Variants in CHODL observed in about 807,000 individuals in gnomAD.
The protein encoded by CHODL is transmembrane protein MT75.
A neutral mutation model predicts 34.5 loss-of-function variants in CHODL; 29 were observed. The observed-to-expected ratio is 0.84, with a 90% CI of 0.63 to 1.15. The LOEUF is 1.15. Ranked by LOEUF, CHODL falls within the 50% of genes most tolerant of loss-of-function variation. CHODL has a pLI of 0.00. For synonymous variants in CHODL, 125 were observed against 116.1 expected (o/e 1.08, Z -0.49); for missense variants, 332 against 332.5 (o/e 1.00, Z 0.01).
At chr21:18,133,764 G>C (rs939408227) in intron 2 of CHODL, among the ~76,000 whole-genome samples, 6 of 152,118 alleles carry the variant, frequency 3.9e-5, no homozygotes, top group African/African-American at 1.4e-4. Context: ...GCATCACTCT[G>C]TAGGGCACGG....
intron 2 of CHODL, among the ~76,000 whole-genome samples, chr21:18,162,844 T>C (rs1433259213): frequency 2.0e-5 from 3 of 152,218 alleles, no homozygotes; most frequent in African/African-American, 7.2e-5. Flanking sequence ...TCTCACTATG[T>C]TGCTTAGGCT....
chr21:18,165,120 G>C (rs7278224), intron 2 of CHODL, among the ~76,000 whole-genome samples: 16,176 of 151,796 alleles, frequency 0.11, 944 homozygotes, highest in Middle Eastern at 0.15. Context: ...CTATTCACTA[G>C]ATGTCAGTAG....
At chr21:17,949,148 A>T (rs28498850) in intron 1 of CHODL, among the ~76,000 whole-genome samples, 9 of 152,108 alleles carry the variant, frequency 5.9e-5, no homozygotes, top group African/African-American at 2.2e-4. Context: ...GAAGCTGCTC[A>T]ACAGCTACCC....
chr21:18,181,604 G>A lies in CHODL; in HGVS notation c.-44-74905G>A, dbSNP rs575768838. Among the ~76,000 whole-genome samples the A allele has an allele frequency of 5.3e-5, 8 of 152,094 alleles. No individual in the cohort carries two copies. In the South Asian group the frequency reaches 1.5e-3, roughly 28 times the overall value. ...TTTTTAGTAGAGACGGGGTTTCACC[G>A]TGGTCTGGATATCCTGACCTCGTGA... On this transcript the variant is annotated intron_variant, in intron 2 of 6. Coordinates refer to the CHODL transcript ENST00000400127.
intron 1 of CHODL, among the ~76,000 whole-genome samples, chr21:17,973,787 G>T (rs2063638377): frequency 1.4e-5 from 2 of 146,946 alleles, no homozygotes; most frequent in Non-Finnish European, 1.5e-5. Context: ...GCCTTGTTAG[G>T]TTACTATCTT....
At chr21:18,192,214 A>C in intron 2 of CHODL, among the ~76,000 whole-genome samples, 1 of 152,172 alleles carries the variant, frequency 6.6e-6, no homozygotes, top group South Asian at 2.1e-4. Context: ...TAATCTGATC[A>C]TACAGTCAGT....
intron 2 of CHODL, among the ~76,000 whole-genome samples, chr21:18,045,935 T>C (rs948395202): frequency 6.6e-6 from 1 of 151,938 alleles, no homozygotes; most frequent in African/African-American, 2.4e-5. Flanking sequence ...AGTGCTTTCA[T>C]CTTGAACTTC....
intron 2 of CHODL, among the ~76,000 whole-genome samples, chr21:18,118,467 A>G (rs2065439426): frequency 6.6e-6 from 1 of 152,188 alleles, no homozygotes; most frequent in South Asian, 2.1e-4. Context: ...ACCTCTGTAT[A>G]TTGTCTGAAT....
At chr21:18,043,904 C>T (rs375971151) in intron 2 of CHODL, among the ~76,000 whole-genome samples, 2 of 151,888 alleles carry the variant, frequency 1.3e-5, no homozygotes, top group African/African-American at 4.8e-5. Context: ...AAAGGGGAAA[C>T]CCCTTATTAA....
intron 2 of CHODL, among the ~76,000 whole-genome samples, chr21:18,235,628 T>A (rs979945347): frequency 2.6e-5 from 4 of 152,076 alleles, no homozygotes; most frequent in Admixed American, 6.6e-5. Flanking sequence ...TAATTTCTTA[T>A]AAAATAGAAG....
At chr21:17,964,565 G>T (rs1209731715) in intron 1 of CHODL, among the ~76,000 whole-genome samples, 1 of 152,126 alleles carries the variant, frequency 6.6e-6, no homozygotes, top group Non-Finnish European at 1.5e-5. Flanking sequence ...CTTAAGAATT[G>T]GTTCCAGTAT....
At chr21:18,215,082 C>T (rs886578827) in intron 2 of CHODL, among the ~76,000 whole-genome samples, 9 of 151,902 alleles carry the variant, frequency 5.9e-5, no homozygotes, top group African/African-American at 2.2e-4. Flanking sequence ...GTACTTTGTT[C>T]TGTGACTGTC....
At chr21:18,019,107 A>G (rs2064103571) in intron 1 of CHODL, among the ~76,000 whole-genome samples, 1 of 152,364 alleles carries the variant, frequency 6.6e-6, no homozygotes, top group South Asian at 2.1e-4. Context: ...TGAGAATGAT[A>G]TAATCTGTGC....
chr21:18,245,894 G>T, intron 1 of CHODL: 1 of 1,535,284 alleles, frequency 6.5e-7, no homozygotes, highest in Non-Finnish European at 8.7e-7. Context: ...GTTCCAAGTT[G>T]GGGACTTCCC....
At chr21:18,087,975 G>C (rs1167587876) in intron 2 of CHODL, among the ~76,000 whole-genome samples, 1 of 152,156 alleles carries the variant, frequency 6.6e-6, no homozygotes, top group Non-Finnish European at 1.5e-5. Context: ...TCACATGATG[G>C]AGCAGGAGAG....
intron 2 of CHODL, among the ~76,000 whole-genome samples, chr21:18,229,538 G>A (rs1018761578): frequency 6.6e-6 from 1 of 150,648 alleles, no homozygotes; most frequent in African/African-American, 2.5e-5. Flanking sequence ...TGTGAAAAAA[G>A]TGTATGCCAT....
At chr21:17,927,572 C>G (rs1338277063) in intron 1 of CHODL, among the ~76,000 whole-genome samples, 2 of 152,186 alleles carry the variant, frequency 1.3e-5, no homozygotes, top group Admixed American at 6.5e-5. Context: ...TCCTCAGAGG[C>G]CTGCATCCTG....
intron 2 of CHODL, among the ~76,000 whole-genome samples, chr21:18,069,557 T>TAC (rs36108008): frequency 6.6e-6 from 1 of 151,280 alleles, no homozygotes; most frequent in Non-Finnish European, 1.5e-5. Context: ...TATATATATA[T>TAC]GGATTATTTG....
At chr21:18,058,272 C>T (rs898519473) in intron 2 of CHODL, among the ~76,000 whole-genome samples, 4 of 152,112 alleles carry the variant, frequency 2.6e-5, no homozygotes, top group Non-Finnish European at 5.9e-5. Context: ...ATTAGTACAG[C>T]CATATGGAAA....
Sources: gnomAD v4.1 joint callset for allele counts (sites outside exome capture counted in the v4.1 genomes callset) on GRCh38, gnomAD v4.1.1 for gene constraint, MANE v1.5 for transcripts, NCBI Gene and HGNC (gene_info 2026-07-23, HGNC 2026-07-21) for gene names.